The following RAB38 variants were observed in gnomAD, a reference collection of about 807,000 sequenced individuals.
RAB38 encodes RAB38, member RAS oncogene family.
RAB38 carries 15 observed loss-of-function variants against 18.4 expected under a neutral mutation model. The ratio of observed to expected loss-of-function variants is 0.82; its 90% CI spans 0.55 to 1.26. RAB38 has a LOEUF of 1.26. Ranked by LOEUF, RAB38 falls within the 50% of genes most tolerant of loss-of-function variation. The probability of loss-of-function intolerance (pLI) is 0.00; values close to 1 mark genes in which losing one functional copy is unlikely to be tolerated. For synonymous variants in RAB38, 101 were observed against 104.4 expected (o/e 0.97, Z 0.20); for missense variants, 294 against 267.4 (o/e 1.10, Z -0.69).
At chr11:87,927,346 C>T in the RAB38 span, among the ~76,000 whole-genome samples, 4 of 152,104 alleles carry the variant, frequency 2.6e-5, no homozygotes, top group African/African-American at 9.6e-5. Flanking sequence ...TGTTTTAAGG[C>T]AGTTGGATTA....
the RAB38 span, among the ~76,000 whole-genome samples, chr11:87,878,367 A>G: frequency 6.7e-6 from 1 of 150,314 alleles, no homozygotes; most frequent in African/African-American, 2.5e-5. Context: ...TCTATCATCT[A>G]TCTATCGAGA....
chr11:88,168,022 T>C (rs1400055259), intron 1 of RAB38, among the ~76,000 whole-genome samples: 1 of 152,176 alleles, frequency 6.6e-6, no homozygotes, highest in Non-Finnish European at 1.5e-5. Context: ...GGATTGTAAG[T>C]GTAACTCAAA....
the RAB38 span, among the ~76,000 whole-genome samples, chr11:87,937,305 G>A: frequency 1.2e-5 from 1 of 83,642 alleles, no homozygotes; most frequent in Non-Finnish European, 2.2e-5. Context: ...ACTTTTACTT[G>A]GTCATCATAT....
At chr11:87,861,156 G>A in the RAB38 span, among the ~76,000 whole-genome samples, 1 of 151,840 alleles carries the variant, frequency 6.6e-6, no homozygotes, top group Non-Finnish European at 1.5e-5. Flanking sequence ...GACTGTCCAC[G>A]TTAATTTGCA....
chr11:87,873,920 G>A, the RAB38 span, among the ~76,000 whole-genome samples: 6 of 33,834 alleles, frequency 1.8e-4, no homozygotes, highest in Middle Eastern at 0.012. Context: ...GTGTGTGTGT[G>A]TGTATATATA....
chr11:88,165,339 T>C (rs1034783978), intron 1 of RAB38, among the ~76,000 whole-genome samples: 2 of 152,132 alleles, frequency 1.3e-5, no homozygotes, highest in African/African-American at 2.4e-5. Context: ...TGTTTATCTT[T>C]TTTCTGGCCT....
At chr11:88,148,986 C>T (rs1364392202) in intron 2 of RAB38, among the ~76,000 whole-genome samples, 3 of 151,464 alleles carry the variant, frequency 2.0e-5, no homozygotes, top group Non-Finnish European at 4.4e-5. Context: ...GAGAGTAGAA[C>T]AAAAGCCAGG....
chr11:87,868,608 A>AGAAAGAGAAG, the RAB38 span, among the ~76,000 whole-genome samples: 1 of 102,988 alleles, frequency 9.7e-6, no homozygotes, highest in Non-Finnish European at 1.9e-5. Flanking sequence ...AGAGAGAGAG[A>AGAAAGAGAAG]GAGAGAGAGA....
chr11:88,127,836 A>G (rs749498838), intron 2 of RAB38, among the ~76,000 whole-genome samples: 19 of 152,170 alleles, frequency 1.2e-4, no homozygotes, highest in African/African-American at 4.3e-4. Context: ...ACAGTTCCCT[A>G]TAGTATCTAT....
At chr11:87,872,366 G>A in the RAB38 span, among the ~76,000 whole-genome samples, 958 of 151,474 alleles carry the variant, frequency 6.3e-3, 14 homozygotes, top group African/African-American at 0.022. Flanking sequence ...ATGCTTTCTC[G>A]TCTCACATAC....
chr11:87,816,233 C>A, the RAB38 span: 1 of 152,340 alleles, frequency 6.6e-6, no homozygotes, highest in Non-Finnish European at 1.5e-5. Context: ...AATGGCATAT[C>A]CTTTATTTTT....
the RAB38 span, among the ~76,000 whole-genome samples, chr11:87,847,198 GA>G: frequency 6.6e-6 from 1 of 151,928 alleles, no homozygotes; most frequent in African/African-American, 2.4e-5. Flanking sequence ...GATGGTAGAA[GA>G]AAGTAAGTAA....
At chr11:87,814,348 G>A in the RAB38 span, among the ~76,000 whole-genome samples, 2 of 152,162 alleles carry the variant, frequency 1.3e-5, no homozygotes, top group Non-Finnish European at 2.9e-5. Context: ...TTGTTATATG[G>A]ATGTTCATCA....
the RAB38 span, among the ~76,000 whole-genome samples, chr11:88,038,393 A>T: frequency 6.6e-6 from 1 of 152,180 alleles, no homozygotes; most frequent in African/African-American, 2.4e-5. Context: ...TGGGAGGTAG[A>T]TGGTATATTT....
the RAB38 span, among the ~76,000 whole-genome samples, chr11:88,037,409 T>C: frequency 6.6e-6 from 1 of 152,078 alleles, no homozygotes; most frequent in South Asian, 2.1e-4. Context: ...TTGTATTACT[T>C]TGACTTTTTA....
the RAB38 span, among the ~76,000 whole-genome samples, chr11:87,976,609 A>ATTTTACATAATATATATAC: frequency 1.5e-5 from 1 of 65,362 alleles, no homozygotes; most frequent in African/African-American, 5.7e-5. Flanking sequence ...ATAAATACAT[A>ATTTTACATAATATATATAC]TTTTACATGA....
chr11:87,893,391 T>TATATATATATATATA, the RAB38 span, among the ~76,000 whole-genome samples: 3 of 6,678 alleles, frequency 4.5e-4, no homozygotes, highest in East Asian at 0.023. Context: ...TATATATATA[T>TATATATATATATATA]TTTTTTTTTA....
the RAB38 span, among the ~76,000 whole-genome samples, chr11:87,858,195 AG>A: frequency 6.6e-6 from 1 of 152,022 alleles, no homozygotes; most frequent in African/African-American, 2.4e-5. Flanking sequence ...ATTATTTCTG[AG>A]GGTCCTGTTC....
chr11:88,134,452 G>C (rs1267184434), intron 2 of RAB38, among the ~76,000 whole-genome samples: 2 of 152,114 alleles, frequency 1.3e-5, no homozygotes, highest in African/African-American at 4.8e-5. Flanking sequence ...ATGTTGGCCA[G>C]GCTGGTCGCA....
Sources: gnomAD v4.1 joint callset for allele counts (sites outside exome capture counted in the v4.1 genomes callset) on GRCh38, gnomAD v4.1.1 for gene constraint, MANE v1.5 for transcripts, NCBI Gene and HGNC (gene_info 2026-07-23, HGNC 2026-07-21) for gene names.